TMEM67: variants seen among roughly 807,000 people sequenced by gnomAD.
The protein encoded by TMEM67 is meckelin.
Under a neutral mutation model 136.6 loss-of-function variants are expected in TMEM67, and 124 were observed. The observed-to-expected ratio is 0.91, with a 90% CI of 0.78 to 1.05. The LOEUF is 1.05. Among genes scored for constraint, TMEM67 ranks in the 50% least tolerant of loss-of-function variants. TMEM67 has a pLI of 0.00. For missense variants in TMEM67, 1,107 were observed against 1,178.4 expected (o/e 0.94, Z 0.89); for synonymous variants, 364 against 390.5 (o/e 0.93, Z 0.80).
chr8:93,791,249 G>T lies in TMEM67; in HGVS notation c.1519-14G>T, dbSNP rs1477028372. ...AATTTCAGTATAGCTAATTTGTTTT[G>T]TTTTAAATATCAGGTTTCTTTCTCA... On this transcript the variant is annotated splice_polypyrimidine_tract_variant and intron_variant, in intron 14 of 27. Transcript: ENST00000453321. 2.5e-6 allele frequency: 4 copies of T among 1,573,224 alleles called. No individual in the cohort carries two copies. Among genetic ancestry groups the T allele is most frequent in the Non-Finnish European group, 2.6e-6 (3 of 1,144,458 alleles).
At chr8:93,799,021 A>G (rs1814750474) in intron 20 of TMEM67, among the ~76,000 whole-genome samples, 1 of 150,758 alleles carries the variant, frequency 6.6e-6, no homozygotes, top group Admixed American at 6.6e-5. Flanking sequence ...TGTTATGTGA[A>G]AAAGTTTTAT....
rs1410129367 is a variant in TMEM67 at position 93,815,452 on chromosome 8, A to C, written c.2907+5A>C. The C allele has an allele frequency of 6.2e-7, 1 of 1,610,878 alleles. No individual in the cohort carries two copies. The highest frequency in any genetic ancestry group is 8.5e-7 in the Non-Finnish European group (1 of 1,178,936). ...CTTACATATCTACAACAAGAGGTAA[A>C]CTTTTAAAATTTTTCTACATTTTCC... On this transcript the variant is annotated splice_donor_5th_base_variant and intron_variant, in intron 27 of 27. Coordinates refer to ENST00000453321, the MANE Select transcript of TMEM67 (RefSeq NM_153704.6).
chr8:93,823,931 T>A (rs1042564170), downstream of TMEM67, among the ~76,000 whole-genome samples: 6 of 152,164 alleles, frequency 3.9e-5, no homozygotes, highest in African/African-American at 1.4e-4. Context: ...TACACACAGT[T>A]TTCAAAGGAT....
At chr8:93,809,438 C>T (rs1808603017) in intron 25 of TMEM67, among the ~76,000 whole-genome samples, 1 of 152,116 alleles carries the variant, frequency 6.6e-6, no homozygotes, top group African/African-American at 2.4e-5. Flanking sequence ...TCATGATTCC[C>T]TTAAACTATG....
chr8:93,797,093 G>A (rs761695012), intron 18 of TMEM67, 41 bp from the exon 19 acceptor site: 13 of 1,189,392 alleles, frequency 1.1e-5, no homozygotes, highest in African/African-American at 6.0e-5. Context: ...CAGACTTAAC[G>A]CTGGTACTTT....
At chr8:93,776,927 A>G (rs1209487068) in intron 7 of TMEM67, among the ~76,000 whole-genome samples, 4 of 152,146 alleles carry the variant, frequency 2.6e-5, no homozygotes, top group African/African-American at 9.7e-5. Context: ...AGAAGGAATG[A>G]TACCAGCTCC....
intron 20 of TMEM67, among the ~76,000 whole-genome samples, chr8:93,799,331 C>A (rs1263748314): frequency 6.6e-6 from 1 of 152,042 alleles, no homozygotes; most frequent in Non-Finnish European, 1.5e-5. Context: ...AAGTTTTATC[C>A]TTTTAATTAA....
At chr8:93,810,460 G>A (rs1808659444) in intron 26 of TMEM67, among the ~76,000 whole-genome samples, 1 of 151,912 alleles carries the variant, frequency 6.6e-6, no homozygotes, top group African/African-American at 2.4e-5. Context: ...GGCACATATA[G>A]TCCCAGTTAC....
intron 3 of TMEM67, chr8:93,759,547 A>G (rs574528860): frequency 2.0e-5 from 3 of 152,056 alleles, no homozygotes; most frequent in Admixed American, 2.0e-4. Flanking sequence ...AGAATGACTA[A>G]AAATTATTAT....
Position 93,814,385 on chromosome 8 carries a change from C to T in TMEM67, c.2765-920C>T, listed in dbSNP as rs140592491. ...TGATCGCCTGACCTCGTGATCTGCC[C>T]GCCTCGGCCTCCCAAGTTTATGTAT... On this transcript the variant is annotated intron_variant, in intron 26 of 27. Coordinates refer to ENST00000453321, the MANE Select transcript of TMEM67 (RefSeq NM_153704.6). 6.0e-3 allele frequency among the ~76,000 whole-genome samples: 897 copies of T among 149,502 alleles called. 7 individuals carry two copies. Among genetic ancestry groups the T allele is most frequent in the African/African-American group, 0.021 (845 of 40,834 alleles).
At chr8:93,803,939 A>G (rs1037743388) in intron 22 of TMEM67, among the ~76,000 whole-genome samples, 2 of 149,684 alleles carry the variant, frequency 1.3e-5, no homozygotes, top group African/African-American at 4.9e-5. Flanking sequence ...TAGTGGCACC[A>G]TCTTGGCTCA....
At chr8:93,824,468 A>G in the TMEM67 span, among the ~76,000 whole-genome samples, 36 of 152,216 alleles carry the variant, frequency 2.4e-4, no homozygotes, top group Non-Finnish European at 3.2e-4. Flanking sequence ...TTCTCTAAAG[A>G]AAATGGAACT....
intron 23 of TMEM67, among the ~76,000 whole-genome samples, chr8:93,808,488 A>AATAGATCTATT (rs1563480877): frequency 6.8e-6 from 1 of 146,194 alleles, no homozygotes; most frequent in East Asian, 2.0e-4. Context: ...ATTTATCTAT[A>AATAGATCTATT]ATAGATCTAT....
chr8:93,780,667 C>T lies in TMEM67; in HGVS notation c.789C>T (p.Ala263=), dbSNP rs933661498. ...CVMNMNSYDF[A]TFDACGLFQF... is the part of the protein sequence containing the mutation. Reference sequence around the variant, plus strand: ...TGAACATGAATTCTTACGACTTTGCCACATTTGATGCATGTGGACTATTTC... The same window carrying T: ...TGAACATGAATTCTTACGACTTTGCTACATTTGATGCATGTGGACTATTTC... The change falls in exon 8 of 28, where the codon GCC becomes GCT. Residue 263 remains alanine (A), a synonymous_variant. Transcript: ENST00000453321. 4 of 1,614,080 alleles carry T rather than the reference C, an allele frequency of 2.5e-6. No homozygotes were observed. Among genetic ancestry groups the T allele is most frequent in the Non-Finnish European group, 3.4e-6 (4 of 1,180,026 alleles).
intron 4 of TMEM67, among the ~76,000 whole-genome samples, chr8:93,764,400 C>G (rs763115223): frequency 6.6e-6 from 1 of 152,054 alleles, no homozygotes; most frequent in African/African-American, 2.4e-5. Context: ...TATAATGTTA[C>G]ATAGAAAAAC....
intron 1 of TMEM67, 65 bp downstream of exon 1, chr8:93,755,202 C>T (rs146569149): frequency 1.4e-6 from 2 of 1,425,896 alleles, no homozygotes; most frequent in South Asian, 1.2e-5. Flanking sequence ...CCCTAGTCCC[C>T]GTAAATGGAG....
intron 12 of TMEM67, among the ~76,000 whole-genome samples, 158 bp downstream of exon 12, chr8:93,785,536 T>C (rs1166876298): frequency 6.6e-6 from 1 of 152,172 alleles, no homozygotes; most frequent in Non-Finnish European, 1.5e-5. Flanking sequence ...AATAAATTGC[T>C]GGTGGACTTA....
At position 93,791,264 on chromosome 8, in the gene TMEM67, T is replaced by C. The variant is rs756236410; in HGVS notation, c.1520T>C (p.Val507Ala). 6.3e-7 allele frequency: 1 copy of C among 1,598,562 alleles called. No individual in the cohort carries two copies. Among genetic ancestry groups the C allele is most frequent in the South Asian group, 1.1e-5 (1 of 90,362 alleles). ...IKDANSQSVK[V>A]SFSVTYEMDH... ...AATTTGTTTTGTTTTAAATATCAGGTTTCTTTCTCAGTCACATATGAAATG... is the reference window on the plus strand; with the variant it reads ...AATTTGTTTTGTTTTAAATATCAGGCTTCTTTCTCAGTCACATATGAAATG... Residue 507 changes from valine (V) to alanine (A), a missense_variant and splice_region_variant, in exon 15 of 28, where the codon GTT becomes GCT. Transcript: ENST00000453321.
chr8:93,764,682 G>C (rs1813004323), intron 4 of TMEM67, among the ~76,000 whole-genome samples: 1 of 152,112 alleles, frequency 6.6e-6, no homozygotes, highest in East Asian at 1.9e-4. Context: ...GCTTTTCTGA[G>C]GGCTACTTAG....
Sources: gnomAD v4.1 joint callset for allele counts (sites outside exome capture counted in the v4.1 genomes callset) on GRCh38, gnomAD v4.1.1 for gene constraint, MANE v1.5 for transcripts, NCBI Gene and HGNC (gene_info 2026-07-23, HGNC 2026-07-21) for gene names.